Variants in COL11A1 observed in about 807,000 individuals in gnomAD.
COL11A1 encodes the protein collagen alpha-1(XI) chain.
Under a neutral mutation model 265.2 loss-of-function variants are expected in COL11A1, and 74 were observed. The ratio of observed to expected loss-of-function variants is 0.28; its 90% CI spans 0.23 to 0.34. The LOEUF (loss-of-function observed/expected upper bound fraction) is 0.34, where lower values mean the gene tolerates loss of function less well. COL11A1 is among the 10% of genes least tolerant of loss of function. The pLI is 1.00. For synonymous variants in COL11A1, 816 were observed against 727.6 expected (o/e 1.12, Z -1.96); for missense variants, 2,165 against 2,263.6 (o/e 0.96, Z 0.88).
intron 5 of COL11A1, among the ~76,000 whole-genome samples, chr1:103,028,395 C>T (rs1325282490): frequency 6.6e-6 from 1 of 152,060 alleles, no homozygotes; most frequent in Non-Finnish European, 1.5e-5. Context: ...CAGCTTCCTC[C>T]GTGTGGTGGT....
rs1211693844 is a variant in COL11A1, at chr1:103,022,820, A to G, written c.1167T>C (p.Tyr389=). 1.2e-5 allele frequency: 19 copies of G among 1,613,698 alleles called. No homozygotes were observed. Among genetic ancestry groups the G allele is most frequent in the Non-Finnish European group, 1.6e-5 (19 of 1,179,838 alleles). The part of the protein sequence containing the change: ...GEYDFYEYKE[Y]EDKPTSPPNE... ...TAGGGGGGCTTGTTGGTTTATCTTC[A>G]TATTCTTTATATTCATAAAAATCAT... Residue 389 remains tyrosine, a synonymous_variant, in exon 8 of 67, where the codon TAT becomes TAC. Coordinates refer to ENST00000370096, the MANE Select transcript of COL11A1 (RefSeq NM_001854.4).
In COL11A1 at chr1:102,914,332, G is replaced by A. The variant is rs1655048603; in HGVS notation, c.3978+20C>T. The A allele has an allele frequency of 1.9e-6, 3 of 1,583,776 alleles. No homozygotes were observed. Among genetic ancestry groups the A allele is most frequent in the Admixed American group, 3.4e-5 (2 of 59,656 alleles). ...AACATTCACTCCAAAATAATTTCTT[G>A]ATTTTTCCCTGATACTTACTGCAGG... On this transcript the variant is annotated intron_variant, in intron 52 of 66. Transcript: ENST00000370096.
chr1:103,026,409 C>T (rs1667523757), intron 5 of COL11A1, 77 bp from the exon 6 acceptor site: 1 of 918,114 alleles, frequency 1.1e-6, no homozygotes, highest in Non-Finnish European at 1.8e-6. Context: ...ACCATCTTAA[C>T]TTTTACATAG....
chr1:102,959,488 T>C (rs531782568), intron 41 of COL11A1, among the ~76,000 whole-genome samples: 1 of 152,342 alleles, frequency 6.6e-6, no homozygotes, highest in South Asian at 2.1e-4. Flanking sequence ...CCCTTATTTA[T>C]ATTCTCTTTC....
At chr1:102,889,904 C>A (rs1173328089) in intron 58 of COL11A1, among the ~76,000 whole-genome samples, 1 of 151,992 alleles carries the variant, frequency 6.6e-6, no homozygotes, top group African/African-American at 2.4e-5. Context: ...ACAGAAAACT[C>A]ATTATTTTAA....
chr1:102,913,553 CA>C, intron 53 of COL11A1, 83 bp downstream of exon 53: 1 of 1,342,198 alleles, frequency 7.5e-7, no homozygotes, highest in Non-Finnish European at 1.1e-6. Flanking sequence ...CTATGTTTTT[CA>C]AAGGCTGATT....
At chr1:102,933,687 G>T (rs1386013851) in intron 46 of COL11A1, among the ~76,000 whole-genome samples, 2 of 152,078 alleles carry the variant, frequency 1.3e-5, no homozygotes, top group African/African-American at 2.4e-5. Context: ...CCCTCCCCCA[G>T]CCTCGCTGCC....
At chr1:102,953,455 C>G (rs1660082660) in intron 41 of COL11A1, among the ~76,000 whole-genome samples, 1 of 152,034 alleles carries the variant, frequency 6.6e-6, no homozygotes, top group African/African-American at 2.4e-5. Flanking sequence ...AGGTTTTTGT[C>G]ATGTTTACTA....
At chr1:102,890,138 A>G (rs1651561022) in intron 58 of COL11A1, among the ~76,000 whole-genome samples, 1 of 152,198 alleles carries the variant, frequency 6.6e-6, no homozygotes, top group Admixed American at 6.5e-5. Context: ...TTAAAAACAT[A>G]AAAATAGATA....
chr1:103,022,152 G>A (rs529789204), intron 8 of COL11A1, among the ~76,000 whole-genome samples: 283 of 150,380 alleles, frequency 1.9e-3, no homozygotes, highest in African/African-American at 6.7e-3. Flanking sequence ...CAAAGCACCC[G>A]GCCGGCCATT....
intron 54 of COL11A1, among the ~76,000 whole-genome samples, chr1:102,905,942 A>G (rs568133948): frequency 1.9e-3 from 293 of 152,272 alleles, no homozygotes; most frequent in Non-Finnish European, 3.3e-3. Flanking sequence ...TTTACCATGA[A>G]TTTATTGCTA....
At chr1:103,071,814 A>T (rs1239190155) in intron 4 of COL11A1, among the ~76,000 whole-genome samples, 3 of 88,028 alleles carry the variant, frequency 3.4e-5, no homozygotes, top group African/African-American at 1.2e-4. Context: ...GTAAAACTAC[A>T]CATTAATGGA....
chr1:102,898,116 CTT>C lies in COL11A1; in HGVS notation c.4302+7_4302+8del. On this transcript the variant is annotated splice_region_variant and intron_variant, in intron 57 of 66. Transcript: ENST00000370096. ...TCACTTTTTAAATGACTGAAAAGAT[CTT>C]ACTCACCATAGGACCAGGTGGTCCA... 1 of 1,553,738 alleles carries C rather than the reference CTT, an allele frequency of 6.4e-7. No individual in the cohort carries two copies. The highest frequency in any genetic ancestry group is 1.2e-5 in the South Asian group (1 of 84,042).
intron 42 of COL11A1, among the ~76,000 whole-genome samples, chr1:102,945,099 A>G (rs780870637): frequency 2.0e-5 from 3 of 152,154 alleles, no homozygotes; most frequent in Non-Finnish European, 4.4e-5. Context: ...CCAAAAAAAC[A>G]TCTTTTGGAA....
rs140020554 is a variant in COL11A1 at position 103,070,209 on chromosome 1, A to AAATAATAATAAT, written c.651+4397_651+4408dup. 3.8e-3 allele frequency among the ~76,000 whole-genome samples: 551 copies of AAATAATAATAAT among 143,390 alleles called. 1 individual carries two copies. Among genetic ancestry groups the AAATAATAATAAT allele is most frequent in the South Asian group, 0.021 (95 of 4,542 alleles). 94.1% of individuals were successfully genotyped at this position (143,390 alleles called of 152,430 possible). Reference sequence around the variant, plus strand: ...CTATGTGTTAAAATCCTACTCAGCAAAATAATAATAATAATAATAATAATA... The same window carrying AAATAATAATAAT: ...CTATGTGTTAAAATCCTACTCAGCAAAATAATAATAATAATAATAATAATAATAATAATAATA... On this transcript the variant is annotated intron_variant, in intron 4 of 66. Transcript: ENST00000370096.
chr1:102,962,489 T>C (rs1311856069), intron 39 of COL11A1, among the ~76,000 whole-genome samples, 164 bp downstream of exon 39: 3 of 152,224 alleles, frequency 2.0e-5, no homozygotes, highest in Non-Finnish European at 2.9e-5. Flanking sequence ...AACGGTCTTA[T>C]ATAAATGTTG....
chr1:103,108,150 G>T lies in COL11A1; in HGVS notation c.29C>A (p.Thr10Lys). The change falls in exon 1 of 67, where the codon ACG becomes AAG. Residue 10 changes from threonine (T) to lysine (K), a missense_variant. Transcript: ENST00000370096. ...GGTGAAATCCCAGAGCCACCGTTTC[G>T]TTTTCCACCTAGAGGACCACGGCTC... MEPWSSRWK[T>K]KRWLWDFTVT... 6.2e-7 allele frequency: 1 copy of T among 1,613,666 alleles called. No homozygotes were observed. Among genetic ancestry groups the T allele is most frequent in the Non-Finnish European group, 8.5e-7 (1 of 1,179,938 alleles).
chr1:103,000,911 A>G (rs921906143), intron 24 of COL11A1: 10 of 357,506 alleles, frequency 2.8e-5, no homozygotes, highest in African/African-American at 1.7e-4. Context: ...TCAATGGAAT[A>G]CTATGAGAAC....
rs143094203 is a variant in COL11A1 at position 102,935,663 on chromosome 1, G to A, written c.3439-550C>T. 3.3e-4 allele frequency among the ~76,000 whole-genome samples: 51 copies of A among 152,286 alleles called. No individual in the cohort carries two copies. In the East Asian group the frequency reaches 9.2e-3, roughly 28 times the overall value. On this transcript the variant is annotated intron_variant, in intron 44 of 66. Transcript: ENST00000370096. ...CAATAGTTTTCAAAAGACATTATGA[G>A]TCTTACATGCATAGATATTTCTTCA...
Sources: gnomAD v4.1 joint callset for allele counts (sites outside exome capture counted in the v4.1 genomes callset) on GRCh38, gnomAD v4.1.1 for gene constraint, MANE v1.5 for transcripts, NCBI Gene and HGNC (gene_info 2026-07-23, HGNC 2026-07-21) for gene names.